Variants in HEMK2 observed in about 807,000 individuals in gnomAD.
The protein encoded by HEMK2 is methyltransferase HEMK2.
At chr21:28,599,557 G>A in the HEMK2 span, among the ~76,000 whole-genome samples, 1 of 152,080 alleles carries the variant, frequency 6.6e-6, no homozygotes, top group Admixed American at 6.5e-5. Flanking sequence ...ATGACATTTG[G>A]GTGGGGACTC....
the HEMK2 span, chr21:28,873,806 C>T: frequency 6.6e-6 from 1 of 152,150 alleles, no homozygotes; most frequent in Non-Finnish European, 1.5e-5. Context: ...ACTTCCAGTT[C>T]AATTAAATCA....
chr21:28,718,755 C>T, the HEMK2 span, among the ~76,000 whole-genome samples: 2 of 152,150 alleles, frequency 1.3e-5, no homozygotes, highest in African/African-American at 4.8e-5. Flanking sequence ...ACAACATATA[C>T]ATATATTTTT....
At chr21:28,693,602 C>T in the HEMK2 span, among the ~76,000 whole-genome samples, 4 of 152,252 alleles carry the variant, frequency 2.6e-5, no homozygotes, top group Middle Eastern at 3.4e-3. Context: ...TTAAGCATGC[C>T]GCAGCCTGCC....
At chr21:28,808,307 T>C in the HEMK2 span, among the ~76,000 whole-genome samples, 3 of 152,100 alleles carry the variant, frequency 2.0e-5, no homozygotes, top group Non-Finnish European at 4.4e-5. Flanking sequence ...GGTAATGTAA[T>C]GTAATTCATC....
the HEMK2 span, among the ~76,000 whole-genome samples, chr21:28,765,750 A>C: frequency 0.55 from 82,905 of 151,948 alleles, 25,850 homozygotes; most frequent in African/African-American, 0.85. Context: ...CTCCAAACAG[A>C]AGGAAATATT....
At chr21:28,723,961 G>A in the HEMK2 span, among the ~76,000 whole-genome samples, 1 of 152,122 alleles carries the variant, frequency 6.6e-6, no homozygotes, top group Non-Finnish European at 1.5e-5. Context: ...TTGACCATCA[G>A]AAAGTGAACC....
At chr21:28,697,211 T>G in the HEMK2 span, among the ~76,000 whole-genome samples, 1 of 152,290 alleles carries the variant, frequency 6.6e-6, no homozygotes, top group East Asian at 1.9e-4. Flanking sequence ...GCCTGCAAAT[T>G]TTTCAAACTT....
chr21:28,728,362 T>A, the HEMK2 span, among the ~76,000 whole-genome samples: 2 of 152,164 alleles, frequency 1.3e-5, no homozygotes, highest in African/African-American at 2.4e-5. Flanking sequence ...CAAAGGAAAT[T>A]GACAGGGCTG....
chr21:28,590,429 G>A, the HEMK2 span, among the ~76,000 whole-genome samples: 1 of 152,080 alleles, frequency 6.6e-6, no homozygotes, highest in Admixed American at 6.5e-5. Flanking sequence ...AAAAAAAACT[G>A]AATAAAGCTA....
At chr21:28,769,623 G>T in the HEMK2 span, among the ~76,000 whole-genome samples, 1 of 152,080 alleles carries the variant, frequency 6.6e-6, no homozygotes, top group Non-Finnish European at 1.5e-5. Flanking sequence ...ATTTCCCATT[G>T]AAACAGAGCC....
At chr21:28,611,058 A>G in the HEMK2 span, among the ~76,000 whole-genome samples, 1 of 152,220 alleles carries the variant, frequency 6.6e-6, no homozygotes, top group African/African-American at 2.4e-5. Context: ...GACTTAACAG[A>G]TATTTACAGA....
chr21:28,783,436 C>T, the HEMK2 span, among the ~76,000 whole-genome samples: 27,560 of 152,198 alleles, frequency 0.18, 3,100 homozygotes, highest in East Asian at 0.41. Flanking sequence ...CTGCCCACCT[C>T]GGCCTCCCAA....
the HEMK2 span, among the ~76,000 whole-genome samples, chr21:28,609,463 C>T: frequency 2.6e-5 from 4 of 151,350 alleles, no homozygotes; most frequent in Non-Finnish European, 5.9e-5. Context: ...ACCAGAAAAA[C>T]GGTTCTGGTA....
chr21:28,586,138 G>A, the HEMK2 span, among the ~76,000 whole-genome samples: 1 of 152,158 alleles, frequency 6.6e-6, no homozygotes, highest in African/African-American at 2.4e-5. Flanking sequence ...AAGCATCTTT[G>A]CGATGTTTGA....
At chr21:28,863,311 A>G in the HEMK2 span, among the ~76,000 whole-genome samples, 6 of 150,122 alleles carry the variant, frequency 4.0e-5, no homozygotes, top group African/African-American at 1.2e-4. Context: ...CTAGTTCCTC[A>G]GTTTTGGAAC....
the HEMK2 span, among the ~76,000 whole-genome samples, chr21:28,848,605 A>C: frequency 6.6e-6 from 1 of 152,214 alleles, no homozygotes; most frequent in Non-Finnish European, 1.5e-5. Flanking sequence ...TAATTTTAAT[A>C]CATTCTCTTT....
At chr21:28,878,859 T>C in the HEMK2 span, among the ~76,000 whole-genome samples, 7 of 150,504 alleles carry the variant, frequency 4.7e-5, no homozygotes, top group East Asian at 1.4e-3. Flanking sequence ...CCAATGCATC[T>C]GGCCCTCTTG....
the HEMK2 span, among the ~76,000 whole-genome samples, chr21:28,750,850 G>A: frequency 1.3e-5 from 2 of 152,128 alleles, no homozygotes; most frequent in Non-Finnish European, 2.9e-5. Flanking sequence ...CAACAGAAAT[G>A]CAGTTGGGCC....
At chr21:28,628,417 T>G in the HEMK2 span, among the ~76,000 whole-genome samples, 1 of 152,208 alleles carries the variant, frequency 6.6e-6, no homozygotes, top group Admixed American at 6.5e-5. Context: ...TTCTGTGATA[T>G]TCTTTGGAGT....
Sources: allele counts gnomAD v4.1 joint callset (sites outside exome capture counted in the v4.1 genomes callset), GRCh38; gene constraint gnomAD v4.1.1; transcripts MANE v1.5; gene names NCBI Gene and HGNC (gene_info 2026-07-23, HGNC 2026-07-21).